Variants in LHFPL4 observed in about 807,000 individuals in gnomAD.
LHFPL4 encodes LHFPL tetraspan subfamily member 4, also known as LHFPL tetraspan subfamily member 4 protein.
In LHFPL4, 6 loss-of-function variants were observed where a neutral mutation model predicts 20.0. The observed-to-expected ratio is 0.30, with a 90% CI of 0.16 to 0.59. The LOEUF (loss-of-function observed/expected upper bound fraction) is 0.59, where lower values mean the gene tolerates loss of function less well. Ranked by LOEUF, LHFPL4 falls within the 20% of genes least tolerant of loss-of-function variation. LHFPL4 has a pLI of 0.88. For synonymous variants in LHFPL4, 129 were observed against 143.8 expected, an observed-to-expected ratio of 0.90 and a Z score of 0.74; for missense variants, 215 against 331.2, an observed-to-expected ratio of 0.65 and a Z score of 2.72.
intron 2 of LHFPL4, among the ~76,000 whole-genome samples, chr3:9,534,484 T>C (rs2046433197): frequency 1.3e-5 from 2 of 152,186 alleles, no homozygotes; most frequent in Admixed American, 6.5e-5. Flanking sequence ...GGAAATCATA[T>C]GTATGTGGGG....
intron 2 of LHFPL4, among the ~76,000 whole-genome samples, chr3:9,534,464 CAA>C (rs1299118478): frequency 6.6e-6 from 1 of 152,168 alleles, no homozygotes; most frequent in Admixed American, 6.5e-5. Context: ...GTTCCCATTG[CAA>C]AGAGGCAGGA....
chr3:9,508,339 C>T (rs1200005933), intron 2 of LHFPL4, among the ~76,000 whole-genome samples: 1 of 152,158 alleles, frequency 6.6e-6, no homozygotes, highest in African/African-American at 2.4e-5. Flanking sequence ...TGCAGCAGGG[C>T]TCCTCCCCCC....
In LHFPL4 at chr3:9,552,464, G is replaced by T; in HGVS notation, c.216C>A (p.Gly72=). Residue 72 remains glycine, a synonymous_variant, in exon 2 of 4, where the codon GGC becomes GGA. Transcript: ENST00000287585. ...AGGAGCCCCGGCAGGTGAGCTCGCG[G>T]CCCGCCAGCCCGCTGCCCACGCAGT... is the stretch of plus-strand genomic sequence containing the variant. ...FHYCVGSGLA[G]RELTCRGSFT... 4 of 1,612,966 alleles carry T rather than the reference G, an allele frequency of 2.5e-6. No individual in the cohort carries two copies. The highest frequency in any genetic ancestry group is 3.4e-6 in the Non-Finnish European group (4 of 1,179,624).
intron 2 of LHFPL4, among the ~76,000 whole-genome samples, chr3:9,532,838 C>T (rs968858864): frequency 2.0e-5 from 3 of 152,130 alleles, no homozygotes; most frequent in Non-Finnish European, 4.4e-5. Flanking sequence ...CTTGATGTGG[C>T]CTCTCTGATC....
intron 2 of LHFPL4, among the ~76,000 whole-genome samples, chr3:9,518,464 A>G (rs2046317450): frequency 6.6e-6 from 1 of 152,196 alleles, no homozygotes; most frequent in African/African-American, 2.4e-5. Flanking sequence ...ATTTTCTGAA[A>G]GAGAATGTAG....
chr3:9,514,753 C>T (rs2125657846), intron 2 of LHFPL4, among the ~76,000 whole-genome samples: 1 of 152,326 alleles, frequency 6.6e-6, no homozygotes, highest in Middle Eastern at 3.4e-3. Flanking sequence ...TAATTGTAAT[C>T]ATACTGTATG....
chr3:9,538,670 CCA>C (rs1372904009), intron 2 of LHFPL4, among the ~76,000 whole-genome samples: 3 of 151,604 alleles, frequency 2.0e-5, no homozygotes, highest in Non-Finnish European at 4.4e-5. Flanking sequence ...GTTGGTAACA[CCA>C]CAGTCAGAAT....
In LHFPL4 at chr3:9,509,248, T is replaced by G. The variant is rs9810238; in HGVS notation, c.407-3045A>C. Among the ~76,000 whole-genome samples the G allele has an allele frequency of 1.8e-3, 190 of 102,784 alleles. 5 individuals are homozygous for G. The highest frequency in any genetic ancestry group is 5.9e-3 in the African/African-American group (173 of 29,096). 67.4% of individuals were successfully genotyped at this position (102,784 alleles called of 152,430 possible). A position where few individuals can be genotyped will look rare whatever the true frequency, so the allele number is the denominator to read the frequency against. On this transcript the variant is annotated intron_variant, in intron 2 of 3. Coordinates refer to ENST00000287585, the MANE Select transcript of LHFPL4 (RefSeq NM_198560.3). ...CTTTTCATCTTTCTTCGCACCCCCCTCTCTCTCTCTCTGGCTTGTCTACCT... is the reference window on the plus strand; with the variant it reads ...CTTTTCATCTTTCTTCGCACCCCCCGCTCTCTCTCTCTGGCTTGTCTACCT...
At chr3:9,511,330 G>A (rs920939656) in intron 2 of LHFPL4, among the ~76,000 whole-genome samples, 4 of 149,964 alleles carry the variant, frequency 2.7e-5, no homozygotes, top group Admixed American at 6.7e-5. Flanking sequence ...CAGCCTGGGC[G>A]ACAGAGCTAG....
At chr3:9,546,323 A>G (rs552411307) in intron 2 of LHFPL4, among the ~76,000 whole-genome samples, 7 of 151,510 alleles carry the variant, frequency 4.6e-5, no homozygotes, top group South Asian at 2.1e-4. Flanking sequence ...TGAAAAAAAA[A>G]AAAAAGAAAA....
At chr3:9,504,584 G>A (rs1259783334) in intron 3 of LHFPL4, among the ~76,000 whole-genome samples, 1 of 152,098 alleles carries the variant, frequency 6.6e-6, no homozygotes, top group East Asian at 1.9e-4. Flanking sequence ...CCAGCACTTT[G>A]GGAGGCCAAG....
In LHFPL4 at chr3:9,498,936, G is replaced by T. The variant is rs143240519; in HGVS notation, c.*3275C>A. The T allele has an allele frequency of 6.6e-6, 1 of 152,426 alleles. No individual in the cohort carries two copies. Among genetic ancestry groups the T allele is most frequent in the Admixed American group, 6.5e-5 (1 of 15,284 alleles). The allele number at this position is 152,426 out of a possible 1,614,324, so 9.4% of individuals were successfully genotyped here. On this transcript the variant is annotated 3_prime_UTR_variant, in exon 4 of 4. Transcript: ENST00000287585. ...CAAAGACGAAAGTTTTCATAGCCCC[G>T]GTTCCCAGAAGGACTCAACTGACCA...
At chr3:9,525,813 G>C (rs1022136040) in intron 2 of LHFPL4, among the ~76,000 whole-genome samples, 2 of 151,990 alleles carry the variant, frequency 1.3e-5, no homozygotes, top group East Asian at 3.9e-4. Flanking sequence ...TGTTTTAACT[G>C]TTTTATGTGT....
Position 9,505,951 on chromosome 3 carries a change from C to T in LHFPL4, c.643+16G>A. Reference sequence around the variant, plus strand: ...CCTGGCTCCCGCCGCTGCCCCCCAGCCCACAGCACACTCGCCTTTGTTCTC... The same window carrying T: ...CCTGGCTCCCGCCGCTGCCCCCCAGTCCACAGCACACTCGCCTTTGTTCTC... On this transcript the variant is annotated intron_variant, in intron 3 of 3. Transcript: ENST00000287585. The T allele has an allele frequency of 3.1e-6, 5 of 1,611,422 alleles. No homozygotes were observed. Among genetic ancestry groups the T allele is most frequent in the Non-Finnish European group, 4.2e-6 (5 of 1,177,696 alleles).
At chr3:9,547,937 C>T (rs572061225) in intron 2 of LHFPL4, among the ~76,000 whole-genome samples, 1 of 152,340 alleles carries the variant, frequency 6.6e-6, no homozygotes, top group Admixed American at 6.5e-5. Context: ...TCCTGAGTAG[C>T]TGGGACTACA....
intron 2 of LHFPL4, among the ~76,000 whole-genome samples, chr3:9,544,495 G>A (rs1001374078): frequency 1.3e-5 from 2 of 151,830 alleles, no homozygotes; most frequent in Non-Finnish European, 2.9e-5. Context: ...CATGGTGGTG[G>A]GCACCTGTAC....
intron 2 of LHFPL4, among the ~76,000 whole-genome samples, chr3:9,517,769 T>C (rs1175420726): frequency 6.6e-6 from 1 of 150,572 alleles, no homozygotes; most frequent in Non-Finnish European, 1.5e-5. Flanking sequence ...CGTTATATTC[T>C]GCAATCTTGC....
intron 2 of LHFPL4, among the ~76,000 whole-genome samples, chr3:9,513,391 G>T (rs184823948): frequency 5.0e-4 from 76 of 152,206 alleles, no homozygotes; most frequent in Admixed American, 3.9e-3. Context: ...GAGTGCAGTG[G>T]TGGGATCATG....
At chr3:9,539,922 G>A (rs2046467160) in intron 2 of LHFPL4, among the ~76,000 whole-genome samples, 1 of 152,084 alleles carries the variant, frequency 6.6e-6, no homozygotes, top group South Asian at 2.1e-4. Flanking sequence ...TTCTATCAGG[G>A]TGGAAAAAAA....
Sources: allele counts gnomAD v4.1 joint callset (sites outside exome capture counted in the v4.1 genomes callset), GRCh38; gene constraint gnomAD v4.1.1; transcripts MANE v1.5; gene names NCBI Gene and HGNC (gene_info 2026-07-23, HGNC 2026-07-21).